Variants in PPFIA3 observed in about 807,000 individuals in gnomAD.
PPFIA3 encodes the protein PPFI scaffold protein A3.
A neutral mutation model predicts 145.8 loss-of-function variants in PPFIA3; 26 were observed. The observed-to-expected ratio is 0.18, with a 90% CI of 0.13 to 0.25. PPFIA3 has a LOEUF of 0.25. Among genes scored for constraint, PPFIA3 ranks in the 10% least tolerant of loss-of-function variants. The pLI is 1.00. For missense variants in PPFIA3, 1,008 were observed against 1,587.8 expected, an observed-to-expected ratio of 0.63 and a Z score of 6.21; for synonymous variants, 645 against 661.4, an observed-to-expected ratio of 0.98 and a Z score of 0.38.
At chr19:49,147,123 T>G (rs898871836) in intron 23 of PPFIA3, among the ~76,000 whole-genome samples, 3 of 152,166 alleles carry the variant, frequency 2.0e-5, no homozygotes, top group Non-Finnish European at 4.4e-5. Flanking sequence ...GATATAACAT[T>G]AGACAAGTAT....
intron 13 of PPFIA3, 117 bp downstream of exon 13, chr19:49,135,032 G>GGTTT: frequency 3.0e-6 from 2 of 662,800 alleles, no homozygotes; most frequent in Non-Finnish European, 4.5e-6. Context: ...CTCTGTTTTT[G>GGTTT]TTTTTTGTTT....
chr19:49,137,000 C>G (rs966615270), intron 15 of PPFIA3, 89 bp downstream of exon 15: 9 of 1,260,122 alleles, frequency 7.1e-6, no homozygotes, highest in Non-Finnish European at 9.6e-6. Context: ...AGCCTGAGTC[C>G]GTCTCCTCTT....
In PPFIA3 at chr19:49,128,444, G is replaced by C; in HGVS notation, c.318G>C (p.Leu106=). Residue 106 remains leucine (L), a synonymous_variant, in exon 3 of 30, where the codon CTG becomes CTC. Coordinates refer to ENST00000334186, the MANE Select transcript of PPFIA3 (RefSeq NM_003660.4). The surrounding 1 kb of genome is among the most constrained non-coding windows in gnomAD (Gnocchi z 4.1). ...AGAGGGAGGAAGAGATTGCAGAGCT[G>C]AAGGCGGAACGGAACAACACGCGGG... ...LLEREEEIAE[L]KAERNNTRLL... 1 of 1,599,342 alleles carries C rather than the reference G, an allele frequency of 6.3e-7. No homozygotes were observed.
intron 7 of PPFIA3, among the ~76,000 whole-genome samples, chr19:49,131,028 A>ATTTT (rs33934210): frequency 9.7e-5 from 13 of 134,360 alleles, no homozygotes; most frequent in South Asian, 2.5e-4. Context: ...TGCACCGCTA[A>ATTTT]TTTTTTTTTT....
chr19:49,150,395 C>T lies in PPFIA3; in HGVS notation c.*173C>T, dbSNP rs1003435487. 2.2e-6 allele frequency: 1 copy of T among 444,580 alleles called. No individual in the cohort carries two copies. Among genetic ancestry groups the T allele is most frequent in the Non-Finnish European group, 4.1e-6 (1 of 246,108 alleles). The allele number at this position is 444,580 out of a possible 1,614,324, so 27.5% of individuals were successfully genotyped here. On this transcript the variant is annotated 3_prime_UTR_variant, in exon 30 of 30. Coordinates refer to ENST00000334186, the MANE Select transcript of PPFIA3 (RefSeq NM_003660.4). The stretch of plus-strand genomic sequence containing the variant: ...TGCGCGCGCCCGCCTCGCACAGGGC[C>T]GGGGCCTGGACCAAACCACATGAAC...
At chr19:49,136,120 C>T (rs779085667) in intron 14 of PPFIA3, among the ~76,000 whole-genome samples, 197 bp downstream of exon 14, 34 of 152,178 alleles carry the variant, frequency 2.2e-4, no homozygotes, top group Non-Finnish European at 4.6e-4. Flanking sequence ...GTCCTGCCAC[C>T]TGGTGAGAAC....
intron 1 of PPFIA3, among the ~76,000 whole-genome samples, chr19:49,121,928 G>T (rs377743214): frequency 1.3e-5 from 2 of 151,416 alleles, no homozygotes; most frequent in African/African-American, 4.8e-5. Flanking sequence ...TGGCCATCGC[G>T]CCTGGCCGGG....
At chr19:49,124,571 C>T (rs1344193623) in intron 1 of PPFIA3, among the ~76,000 whole-genome samples, 1 of 152,136 alleles carries the variant, frequency 6.6e-6, no homozygotes, top group South Asian at 2.1e-4. Context: ...ATTACTTAGG[C>T]CTATGAGCGG....
rs111596097 is a variant in PPFIA3, at chr19:49,150,120, C to G, written c.3567C>G (p.Val1189=). 1.2e-6 allele frequency: 2 copies of G among 1,611,126 alleles called. No homozygotes were observed. Among genetic ancestry groups the G allele is most frequent in the South Asian group, 1.1e-5 (1 of 89,972 alleles). ...GTTCCCGGGCAGACGGCGTTTCGGT[C>G]CGGACCTATTCCTGCTAGTGCAGGC... ...SGSSRADGVS[V]RTYSC The change falls in exon 29 of 30, where the codon GTC becomes GTG. Residue 1189 remains valine, a synonymous_variant. Coordinates refer to ENST00000334186, the MANE Select transcript of PPFIA3 (RefSeq NM_003660.4).
Position 49,126,248 on chromosome 19 carries a change from G to C in PPFIA3, c.-15-1611G>C, listed in dbSNP as rs183281515. Among the ~76,000 whole-genome samples the C allele has an allele frequency of 4.1e-3, 613 of 149,498 alleles. 2 individuals are homozygous for C. The highest frequency in any genetic ancestry group is 0.014 in the African/African-American group (581 of 40,640). ...CATGAGTGGGCCACCTTGCCCGGCC[G>C]TTACTGTGTTTTTTTTTTGAAATGG... On this transcript the variant is annotated intron_variant, in intron 1 of 29. Coordinates refer to ENST00000334186, the MANE Select transcript of PPFIA3 (RefSeq NM_003660.4).
rs1451205118 is a variant in PPFIA3 at position 49,129,986 on chromosome 19, C to T, written c.583-7C>T. On this transcript the variant is annotated splice_polypyrimidine_tract_variant and splice_region_variant and intron_variant, in intron 5 of 29. Coordinates refer to ENST00000334186, the MANE Select transcript of PPFIA3 (RefSeq NM_003660.4). ...CCTGTGCTCTGATTCCCCTTTCACA[C>T]TTCCAGACTCTGAACCTTCGAGAAC... 5 of 1,613,534 alleles carry T rather than the reference C, an allele frequency of 3.1e-6. No homozygotes were observed. Among genetic ancestry groups the T allele is most frequent in the Non-Finnish European group, 4.2e-6 (5 of 1,179,810 alleles).
chr19:49,145,005 A>G (rs2041264927), intron 21 of PPFIA3, among the ~76,000 whole-genome samples: 1 of 145,512 alleles, frequency 6.9e-6, no homozygotes, highest in South Asian at 2.1e-4. Flanking sequence ...ATCTTGGCTC[A>G]CTGCAACCTC....
intron 15 of PPFIA3, 80 bp downstream of exon 15, chr19:49,136,991 G>C: frequency 7.5e-7 from 1 of 1,326,284 alleles, no homozygotes; most frequent in Non-Finnish European, 1.0e-6. Flanking sequence ...AGGCCTGAAA[G>C]CCTGAGTCCG....
intron 1 of PPFIA3, among the ~76,000 whole-genome samples, chr19:49,127,329 AGTGAGCCGAGATCGCATCACT>A (rs2041011807): frequency 7.2e-6 from 1 of 139,058 alleles, no homozygotes; most frequent in Admixed American, 7.7e-5. Flanking sequence ...TGGAGGCTGC[AGTGAGCCGAGATCGCATCACT>A]GCACTCCAGC....
At chr19:49,121,087 G>T (rs2040931506) in intron 1 of PPFIA3, among the ~76,000 whole-genome samples, 1 of 152,102 alleles carries the variant, frequency 6.6e-6, no homozygotes, top group Admixed American at 6.5e-5. Flanking sequence ...GTCACCCCAG[G>T]TGGCGGGCTT....
chr19:49,127,343 G>A (rs1363872795), intron 1 of PPFIA3, among the ~76,000 whole-genome samples: 4 of 128,138 alleles, frequency 3.1e-5, no homozygotes, highest in East Asian at 2.2e-4. Context: ...AGCCGAGATC[G>A]CATCACTGCA....
chr19:49,134,071 A>C lies in PPFIA3; in HGVS notation c.1283A>C (p.Lys428Thr). 4 of 1,613,716 alleles carry C rather than the reference A, an allele frequency of 2.5e-6. No homozygotes were observed. Among genetic ancestry groups the C allele is most frequent in the Non-Finnish European group, 3.4e-6 (4 of 1,179,854 alleles). ...QREKMNDDHN[K>T]RLSETVDKLL... ...GAGAAGATGAACGATGACCACAATA[A>C]GCGGCTGTCCGAGACGGTGGACAAG... is the stretch of plus-strand genomic sequence containing the variant. Residue 428 changes from lysine to threonine, a missense_variant, in exon 11 of 30, where the codon AAG (lysine) becomes ACG (threonine). Around this residue, in one of 11 missense-constraint regions of PPFIA3, gnomAD observed 109 missense variants for 198.1 expected, o/e 0.55. Transcript: ENST00000334186.
chr19:49,134,939 C>A (rs745701059), intron 13 of PPFIA3, 24 bp downstream of exon 13: 1 of 1,524,096 alleles, frequency 6.6e-7, no homozygotes, highest in Non-Finnish European at 8.8e-7. Flanking sequence ...TTCTGCCCTG[C>A]CCCCACCATG....
At position 49,149,355 on chromosome 19, in the gene PPFIA3, G is replaced by A. The variant is rs758811324; in HGVS notation, c.3354+30G>A. 38 of 1,611,710 alleles carry A rather than the reference G, an allele frequency of 2.4e-5. No individual in the cohort carries two copies. In the East Asian group the frequency reaches 6.9e-4, roughly 29 times the overall value. On this transcript the variant is annotated intron_variant, in intron 27 of 29. Transcript: ENST00000334186. This position sits in a 1 kb window ranked among gnomAD's most constrained non-coding sequence, Gnocchi z 5.7. ...GCGCGGCAACAGCTCAGAGGGCTCT[G>A]CTCCCAGCGGCTCCTCGAGAGGCTG...
Sources: gnomAD v4.1 joint callset for allele counts (sites outside exome capture counted in the v4.1 genomes callset) on GRCh38, gnomAD v4.1.1 for gene constraint, gnomAD v4.1.1 regional missense constraint, Gnocchi (gnomAD v3.1) non-coding constraint, MANE v1.5 for transcripts, NCBI Gene and HGNC (gene_info 2026-07-23, HGNC 2026-07-21) for gene names.